The following WWOX variants were observed in gnomAD, a reference collection of about 807,000 sequenced individuals.
WWOX encodes the protein WW domain-containing oxidoreductase.
A neutral mutation model predicts 46.2 loss-of-function variants in WWOX; 69 were observed. That is an observed-to-expected ratio of 1.49 (90% CI 1.23 to 1.82). The LOEUF is 1.82. Ranked by LOEUF, WWOX falls within the 40% of genes most tolerant of loss-of-function variation. The pLI, the probability that WWOX is intolerant of heterozygous loss-of-function variation, is 0.00. For missense variants in WWOX, 919 were observed against 542.6 expected, an observed-to-expected ratio of 1.69 and a Z score of -6.89; for synonymous variants, 359 against 202.6, an observed-to-expected ratio of 1.77 and a Z score of -6.56.
intron 5 of WWOX, among the ~76,000 whole-genome samples, chr16:78,211,684 G>T (rs2036565133): frequency 6.6e-6 from 1 of 152,204 alleles, no homozygotes; most frequent in African/African-American, 2.4e-5. Context: ...TAGAGAAGTG[G>T]TTCCAGAAGG....
intron 8 of WWOX, among the ~76,000 whole-genome samples, chr16:78,570,501 G>C (rs2044688704): frequency 6.6e-6 from 1 of 151,966 alleles, no homozygotes; most frequent in South Asian, 2.1e-4. Context: ...CTTTTATAGA[G>C]ATGCAGTATC....
At chr16:79,183,426 T>C (rs920606766) in intron 8 of WWOX, among the ~76,000 whole-genome samples, 2 of 152,210 alleles carry the variant, frequency 1.3e-5, no homozygotes, top group Non-Finnish European at 2.9e-5. Flanking sequence ...AGAACTGCCC[T>C]GTGAGCAGAC....
intron 8 of WWOX, among the ~76,000 whole-genome samples, chr16:78,777,537 G>T (rs1305845298): frequency 6.6e-6 from 1 of 152,184 alleles, no homozygotes; most frequent in Non-Finnish European, 1.5e-5. Flanking sequence ...TGGTCCTACT[G>T]AGTGGTCAGC....
At chr16:78,325,929 C>G (rs939500801) in intron 5 of WWOX, among the ~76,000 whole-genome samples, 1 of 152,226 alleles carries the variant, frequency 6.6e-6, no homozygotes, top group African/African-American at 2.4e-5. Flanking sequence ...ACTGTGGATC[C>G]TGTGCCTGGT....
At chr16:78,356,162 G>C (rs1264780484) in intron 5 of WWOX, among the ~76,000 whole-genome samples, 1 of 147,596 alleles carries the variant, frequency 6.8e-6, no homozygotes, top group Non-Finnish European at 1.5e-5. Context: ...ACTCCAGCTT[G>C]GGCGACAGAG....
intron 8 of WWOX, among the ~76,000 whole-genome samples, chr16:78,622,834 T>A (rs2046223015): frequency 6.6e-6 from 1 of 152,130 alleles, no homozygotes. Context: ...AGCAGGGGGA[T>A]CCTCCTGGGT....
rs1252584905 is a variant in WWOX, at chr16:78,338,518, G to A, written c.517-48342G>A. Among the ~76,000 whole-genome samples, 5 of 121,380 alleles carry A rather than the reference G, an allele frequency of 4.1e-5. 1 individual carries two copies. Among genetic ancestry groups the A allele is most frequent in the African/African-American group, 1.4e-4 (5 of 35,840 alleles). 79.6% of individuals were successfully genotyped at this position (121,380 alleles called of 152,430 possible). On this transcript the variant is annotated intron_variant, in intron 5 of 8. Coordinates refer to ENST00000566780, the MANE Select transcript of WWOX (RefSeq NM_016373.4). ...AGGGCACATAAAATATTCTTACAGA[G>A]AGAAATTCTGTAGTTTCCACAAGTA...
chr16:78,425,042 T>C lies in WWOX; in HGVS notation c.778T>C (p.Ser260Pro). 1 of 1,613,892 alleles carries C rather than the reference T, an allele frequency of 6.2e-7. No homozygotes were observed. The highest frequency in any genetic ancestry group is 8.5e-7 in the Non-Finnish European group (1 of 1,180,034). The stretch of plus-strand genomic sequence containing the variant: ...TCCTGCCCGTGTCATTGTGGTCTCC[T>C]CAGAGTCCCATCGGTGGGTTTGAAT... ...SAPARVIVVS[S>P]ESHRFTDIND... The change falls in exon 7 of 9, where the codon TCA becomes CCA. Residue 260 changes from serine (S) to proline (P), a missense_variant. Transcript: ENST00000566780.
chr16:78,638,603 A>T (rs2046631823), intron 8 of WWOX, among the ~76,000 whole-genome samples: 1 of 152,146 alleles, frequency 6.6e-6, no homozygotes, highest in East Asian at 1.9e-4. Flanking sequence ...GCCACTTGAC[A>T]CCAGACTAAT....
chr16:78,905,394 T>A (rs2044935702), intron 8 of WWOX, among the ~76,000 whole-genome samples: 2 of 152,216 alleles, frequency 1.3e-5, no homozygotes, highest in Admixed American at 1.3e-4. Flanking sequence ...ATTTATTTAT[T>A]TTTTTGGACA....
At chr16:78,995,185 G>C (rs997889105) in intron 8 of WWOX, among the ~76,000 whole-genome samples, 5 of 151,932 alleles carry the variant, frequency 3.3e-5, no homozygotes, top group Admixed American at 2.0e-4. Context: ...TCCAAGCTCA[G>C]CTTCTCTCTG....
chr16:78,714,603 A>G (rs556510434), intron 8 of WWOX, among the ~76,000 whole-genome samples: 1 of 152,286 alleles, frequency 6.6e-6, no homozygotes, highest in South Asian at 2.1e-4. Flanking sequence ...AGGATGGCAA[A>G]AAGTCAGTTA....
At chr16:78,856,782 C>G (rs914085996) in intron 8 of WWOX, among the ~76,000 whole-genome samples, 16 of 152,132 alleles carry the variant, frequency 1.1e-4, no homozygotes, top group African/African-American at 3.9e-4. Context: ...CACGAACATA[C>G]ACATTTACAT....
At chr16:79,192,013 C>A (rs1021231353) in intron 8 of WWOX, among the ~76,000 whole-genome samples, 1 of 152,206 alleles carries the variant, frequency 6.6e-6, no homozygotes. Context: ...CTTACATAAA[C>A]TGACCAGGAA....
At chr16:78,739,639 C>T (rs1380690434) in intron 8 of WWOX, among the ~76,000 whole-genome samples, 11 of 152,030 alleles carry the variant, frequency 7.2e-5, no homozygotes, top group Admixed American at 7.2e-4. Context: ...GGATAAACCT[C>T]GTCTCTACTG....
intron 5 of WWOX, among the ~76,000 whole-genome samples, chr16:78,340,719 C>G (rs13334672): frequency 0.23 from 26,826 of 117,572 alleles, 8,530 homozygotes; most frequent in African/African-American, 0.38. Flanking sequence ...AAATATCCCA[C>G]AGAAGGATCT....
At chr16:79,081,577 A>C (rs1235224759) in intron 8 of WWOX, among the ~76,000 whole-genome samples, 1 of 152,202 alleles carries the variant, frequency 6.6e-6, no homozygotes, top group African/African-American at 2.4e-5. Flanking sequence ...TGGGGCCCTG[A>C]ACAAAAATCT....
intron 3 of WWOX, among the ~76,000 whole-genome samples, chr16:78,114,102 T>C (rs1289190692): frequency 2.6e-5 from 4 of 151,224 alleles, no homozygotes; most frequent in African/African-American, 9.7e-5. Context: ...TTTTTTTTTT[T>C]TTTTTTTAAT....
At chr16:79,035,293 C>G (rs1321989960) in intron 8 of WWOX, among the ~76,000 whole-genome samples, 1 of 152,176 alleles carries the variant, frequency 6.6e-6, no homozygotes, top group Admixed American at 6.5e-5. Context: ...CAGTCCATCT[C>G]TAATCCCTTT....
Sources: gnomAD v4.1 joint callset for allele counts (sites outside exome capture counted in the v4.1 genomes callset) on GRCh38, gnomAD v4.1.1 for gene constraint, MANE v1.5 for transcripts, NCBI Gene and HGNC (gene_info 2026-07-23, HGNC 2026-07-21) for gene names.